Variants in ZNF740 observed in about 807,000 individuals in gnomAD.
The protein encoded by ZNF740 is zinc finger protein 740, also known as oriLyt TD-element-binding protein 7.
A neutral mutation model predicts 24.8 loss-of-function variants in ZNF740; 14 were observed. The ratio of observed to expected loss-of-function variants is 0.56; its 90% CI spans 0.37 to 0.88. The LOEUF is 0.88. Among genes scored for constraint, ZNF740 ranks in the 40% least tolerant of loss-of-function variants. ZNF740 has a pLI of 0.00. For synonymous variants in ZNF740, 69 were observed against 84.0 expected (o/e 0.82, Z 0.98); for missense variants, 201 against 247.9 (o/e 0.81, Z 1.27).
Position 53,194,230 on chromosome 12 carries a change from C to T in ZNF740, c.*6640C>T, listed in dbSNP as rs1479185765. On this transcript the variant is annotated 3_prime_UTR_variant, in exon 7 of 7. Coordinates refer to ENST00000416904, the MANE Select transcript of ZNF740 (RefSeq NM_001004304.4). ...TTGATTCGGACGTGGTTGCACTGTC[C>T]TCGATCCTCAGCCTTACCCTCCCTC... The T allele has an allele frequency of 6.2e-7, 1 of 1,613,990 alleles. No individual in the cohort carries two copies. The highest frequency in any genetic ancestry group is 2.2e-5 in the East Asian group (1 of 44,882).
chr12:53,191,614 C>T lies in ZNF740; in HGVS notation c.*4024C>T, dbSNP rs200024920. ...AGGATTGATGGTGGTCGTGATGGCA[C>T]TTTTGTAGAGAGGATTACTGTCCTG... On this transcript the variant is annotated 3_prime_UTR_variant, in exon 7 of 7. Coordinates refer to ENST00000416904, the MANE Select transcript of ZNF740 (RefSeq NM_001004304.4). 5.0e-6 allele frequency: 8 copies of T among 1,613,708 alleles called. No homozygotes were observed. Among genetic ancestry groups the T allele is most frequent in the Admixed American group, 3.3e-5 (2 of 60,014 alleles).
rs1268484394 is a variant in ZNF740, at chr12:53,192,230, T to C, written c.*4640T>C. 7.4e-7 allele frequency: 1 copy of C among 1,349,634 alleles called. No individual in the cohort carries two copies. 83.6% of individuals were successfully genotyped at this position (1,349,634 alleles called of 1,614,324 possible). On this transcript the variant is annotated 3_prime_UTR_variant, in exon 7 of 7. Coordinates refer to ENST00000416904, the MANE Select transcript of ZNF740 (RefSeq NM_001004304.4). Reference sequence around the variant, plus strand: ...TTTGTCCTGGATTCACAGTTCTGCTTCAGCCCCCAGCCTGTTTCCCATTAT... The same window carrying C: ...TTTGTCCTGGATTCACAGTTCTGCTCCAGCCCCCAGCCTGTTTCCCATTAT...
chr12:53,187,793 GGGAA>G lies in ZNF740; in HGVS notation c.*205_*208del. The G allele has an allele frequency of 1.8e-6, 1 of 561,088 alleles. No homozygotes were observed. Among genetic ancestry groups the G allele is most frequent in the Non-Finnish European group, 3.2e-6 (1 of 311,802 alleles). 34.8% of individuals were successfully genotyped at this position (561,088 alleles called of 1,614,324 possible). A position where few individuals can be genotyped will look rare whatever the true frequency, so the allele number is the denominator to read the frequency against. On this transcript the variant is annotated 3_prime_UTR_variant, in exon 7 of 7. Transcript: ENST00000416904. ...ATAATCTGAGACTATGAGTATCTCG[GGGAA>G]GTTCTTACAGCATTCCTGGGTAGGG...
rs1468556853 is a variant in ZNF740, at chr12:53,185,442, C to G, written c.215C>G (p.Ser72Cys). 1.2e-6 allele frequency: 2 copies of G among 1,613,858 alleles called. No individual in the cohort carries two copies. Among genetic ancestry groups the G allele is most frequent in the Non-Finnish European group, 1.7e-6 (2 of 1,179,894 alleles). ...AGCCGCAAAGATGATGACAGCTTGT[C>G]TGAGGCCTCTCATTCAAAAAAGACT... ...SRSRKDDDSL[S>C]EASHSKKTVK... The change falls in exon 4 of 7, where the codon TCT (serine) becomes TGT (cysteine). Residue 72 changes from serine to cysteine, a missense_variant. Ser to Cys is a moderately radical substitution (Grantham distance 112). Coordinates refer to ENST00000416904, the MANE Select transcript of ZNF740 (RefSeq NM_001004304.4).
In ZNF740 at chr12:53,193,822, G is replaced by A. The variant is rs1270960195; in HGVS notation, c.*6232G>A. The A allele has an allele frequency of 6.2e-7, 1 of 1,614,104 alleles. No homozygotes were observed. Among genetic ancestry groups the A allele is most frequent in the Non-Finnish European group, 8.5e-7 (1 of 1,180,004 alleles). Reference sequence around the variant, plus strand: ...GTGCAACTCCACAATCAGCTCCTCTGAGAAGCCAAGGGCCCGGAGCCTCAG... The same window carrying A: ...GTGCAACTCCACAATCAGCTCCTCTAAGAAGCCAAGGGCCCGGAGCCTCAG... On this transcript the variant is annotated 3_prime_UTR_variant, in exon 7 of 7. Transcript: ENST00000416904.
chr12:53,187,884 C>T lies in ZNF740; in HGVS notation c.*294C>T, dbSNP rs1402894387. On this transcript the variant is annotated 3_prime_UTR_variant, in exon 7 of 7. Transcript: ENST00000416904. Reference sequence around the variant, plus strand: ...GGGGACTCAAGGTACAGGACCAAGACTGAAGTGTGGCTCCCACAACCTTGG... The same window carrying T: ...GGGGACTCAAGGTACAGGACCAAGATTGAAGTGTGGCTCCCACAACCTTGG... The T allele has an allele frequency of 1.4e-5, 5 of 364,430 alleles. No homozygotes were observed. Among genetic ancestry groups the T allele is most frequent in the Non-Finnish European group, 2.5e-5 (5 of 196,714 alleles). 22.6% of individuals were successfully genotyped at this position (364,430 alleles called of 1,614,324 possible).
Position 53,189,091 on chromosome 12 carries a change from G to A in ZNF740, c.*1501G>A, listed in dbSNP as rs1317675575. 6.6e-6 allele frequency: 1 copy of A among 151,968 alleles called. No individual in the cohort carries two copies. The highest frequency in any genetic ancestry group is 1.5e-5 in the Non-Finnish European group (1 of 67,962). The allele number at this position is 151,968 out of a possible 1,614,324, so 9.4% of individuals were successfully genotyped here. A position where few individuals can be genotyped will look rare whatever the true frequency, so the allele number is the denominator to read the frequency against. ...GCTGAAGAACACAATTTGGGGAACA[G>A]AAGGGCTTTTGTTTTGGAGGGTTTT... On this transcript the variant is annotated 3_prime_UTR_variant, in exon 7 of 7. Coordinates refer to ENST00000416904, the MANE Select transcript of ZNF740 (RefSeq NM_001004304.4).
In ZNF740 at chr12:53,192,769, C is replaced by T. The variant is rs372408845; in HGVS notation, c.*5179C>T. On this transcript the variant is annotated 3_prime_UTR_variant, in exon 7 of 7. Transcript: ENST00000416904. ...ATAGTAGCCGTCCAAGCACTGGCAG[C>T]GGTTGCATTTGCAGCGTCCATGCCC... 27 of 1,614,124 alleles carry T rather than the reference C, an allele frequency of 1.7e-5. No homozygotes were observed. The highest frequency in any genetic ancestry group is 1.1e-4 in the African/African-American group (8 of 74,946).
At position 53,191,458 on chromosome 12, in the gene ZNF740, G is replaced by A. The variant is rs1052245822; in HGVS notation, c.*3868G>A. On this transcript the variant is annotated 3_prime_UTR_variant, in exon 7 of 7. Transcript: ENST00000416904. ...GTGGCCGCACCTCGCCAGTGAATTA[G>A]TCCCCTACCAAGGTCTTACAGACCC... 32 of 945,426 alleles carry A rather than the reference G, an allele frequency of 3.4e-5. No homozygotes were observed. Among genetic ancestry groups the A allele is most frequent in the East Asian group, 2.6e-4 (11 of 41,730 alleles). The allele number at this position is 945,426 out of a possible 1,614,324, so 58.6% of individuals were successfully genotyped here.
In ZNF740 at chr12:53,190,312, C is replaced by T. The variant is rs1053313391; in HGVS notation, c.*2722C>T. 1 of 152,704 alleles carries T rather than the reference C, an allele frequency of 6.5e-6. No homozygotes were observed. Among genetic ancestry groups the T allele is most frequent in the Non-Finnish European group, 1.5e-5 (1 of 68,100 alleles). 9.5% of individuals were successfully genotyped at this position (152,704 alleles called of 1,614,324 possible). A position where few individuals can be genotyped will look rare whatever the true frequency, so the allele number is the denominator to read the frequency against. ...CGACCCCTGCTGGCCAGCATGGGGC[C>T]TAGCACTGGAAGATGCCTCAGGTGT... On this transcript the variant is annotated 3_prime_UTR_variant, in exon 7 of 7. Coordinates refer to ENST00000416904, the MANE Select transcript of ZNF740 (RefSeq NM_001004304.4).
At chr12:53,186,602 C>G (rs1168493866) in intron 6 of ZNF740, 93 bp downstream of exon 6, 6 of 980,876 alleles carry the variant, frequency 6.1e-6, no homozygotes, top group African/African-American at 1.6e-5. Context: ...AAAGAGCCAC[C>G]AGCGTTACTC....
intron 2 of ZNF740, 113 bp downstream of exon 2, chr12:53,182,105 A>G: frequency 1.4e-6 from 2 of 1,435,960 alleles, no homozygotes; most frequent in South Asian, 1.3e-5. Context: ...CAAGCTCTGT[A>G]TTAAGCACCA....
Position 53,191,715 on chromosome 12 carries a change from G to T in ZNF740, c.*4125G>T. ...TTTCTAGACCTAAGAGGCCAGCCTT[G>T]AGCCGAATCCTAGGAGCTGATGGAA... is the stretch of plus-strand genomic sequence containing the variant. On this transcript the variant is annotated 3_prime_UTR_variant, in exon 7 of 7. Transcript: ENST00000416904. 1 of 1,534,254 alleles carries T rather than the reference G, an allele frequency of 6.5e-7. No individual in the cohort carries two copies. The highest frequency in any genetic ancestry group is 9.0e-7 in the Non-Finnish European group (1 of 1,108,274).
At position 53,191,438 on chromosome 12, in the gene ZNF740, C is replaced by T. The variant is rs4348980; in HGVS notation, c.*3848C>T. 6,545 of 812,682 alleles carry T rather than the reference C, an allele frequency of 8.1e-3. 272 individuals carry two copies. In the African/African-American group the frequency reaches 0.096, roughly 12 times the overall value. 50.3% of individuals were successfully genotyped at this position (812,682 alleles called of 1,614,324 possible). On this transcript the variant is annotated 3_prime_UTR_variant, in exon 7 of 7. Transcript: ENST00000416904. ...TCTGAAAATGAAGTAGGGTGGTGGC[C>T]GCACCTCGCCAGTGAATTAGTCCCC...
In ZNF740 at chr12:53,190,682, T is replaced by G. The variant is rs180707300; in HGVS notation, c.*3092T>G. The G allele has an allele frequency of 3.4e-4, 51 of 152,058 alleles. No homozygotes were observed. The highest frequency in any genetic ancestry group is 3.9e-4 in the East Asian group (2 of 5,170). The allele number at this position is 152,058 out of a possible 1,614,324, so 9.4% of individuals were successfully genotyped here. A position where few individuals can be genotyped will look rare whatever the true frequency, so the allele number is the denominator to read the frequency against. On this transcript the variant is annotated 3_prime_UTR_variant, in exon 7 of 7. Coordinates refer to ENST00000416904, the MANE Select transcript of ZNF740 (RefSeq NM_001004304.4). The stretch of plus-strand genomic sequence containing the variant: ...CCTCCTCTCCACCCTGTTTTTTGTT[T>G]TTTTTTTTTTTAAATAATATTTTGC...
chr12:53,181,373 TGGG>T (rs1454518644), intron 1 of ZNF740: 1 of 985,294 alleles, frequency 1.0e-6, no homozygotes, highest in Non-Finnish European at 1.2e-6. Flanking sequence ...GCCGGCCCAC[TGGG>T]CACAAAAGCC....
chr12:53,193,345 T>C lies in ZNF740; in HGVS notation c.*5755T>C. ...CCACAGAGCACTCACAGAGCCGACC[T>C]AGGCGGCCAGGGGCACAGCTGGAAG... On this transcript the variant is annotated 3_prime_UTR_variant, in exon 7 of 7. Coordinates refer to ENST00000416904, the MANE Select transcript of ZNF740 (RefSeq NM_001004304.4). The C allele has an allele frequency of 6.3e-7, 1 of 1,589,604 alleles. No individual in the cohort carries two copies. The highest frequency in any genetic ancestry group is 8.6e-7 in the Non-Finnish European group (1 of 1,164,146).
chr12:53,191,843 C>T lies in ZNF740; in HGVS notation c.*4253C>T. On this transcript the variant is annotated 3_prime_UTR_variant, in exon 7 of 7. Transcript: ENST00000416904. ...GGGAACAGCTAAAAAGGGGCCTAAC[C>T]AGGAAGTCTCCTCACCTGCTTCCAG... The T allele has an allele frequency of 6.2e-7, 1 of 1,613,372 alleles. No homozygotes were observed. Among genetic ancestry groups the T allele is most frequent in the East Asian group, 2.2e-5 (1 of 44,874 alleles).
At chr12:53,182,151 C>T in intron 2 of ZNF740, 159 bp downstream of exon 2, 2 of 1,008,080 alleles carry the variant, frequency 2.0e-6, no homozygotes, top group Non-Finnish European at 1.4e-6. Context: ...AGACAGGCCA[C>T]AGCCCCTGCC....
Sources: gnomAD v4.1 joint callset for allele counts on GRCh38, gnomAD v4.1.1 for gene constraint, MANE v1.5 for transcripts, NCBI Gene and HGNC (gene_info 2026-07-23, HGNC 2026-07-21) for gene names.